SPAG16: variants seen among roughly 807,000 people sequenced by gnomAD.
SPAG16 encodes sperm-associated antigen 16 protein.
Under a neutral mutation model 80.4 loss-of-function variants are expected in SPAG16, and 86 were observed. The observed-to-expected ratio is 1.07, with a 90% CI of 0.90 to 1.28. The LOEUF is 1.28. SPAG16 is among the 50% of genes most tolerant of loss of function. The pLI is 0.00. For missense variants in SPAG16, 870 were observed against 765.3 expected (o/e 1.14, Z -1.61); for synonymous variants, 294 against 265.9 (o/e 1.11, Z -1.03).
At chr2:213,672,128 T>A (rs1006515521) in intron 10 of SPAG16, among the ~76,000 whole-genome samples, 1 of 152,128 alleles carries the variant, frequency 6.6e-6, no homozygotes, top group East Asian at 1.9e-4. Flanking sequence ...ACTATAAAGT[T>A]GTGAAACAAT....
At chr2:214,050,842 T>C (rs542848715) in intron 13 of SPAG16, among the ~76,000 whole-genome samples, 2 of 152,274 alleles carry the variant, frequency 1.3e-5, no homozygotes, top group South Asian at 4.1e-4. Flanking sequence ...ATTTCAGCTT[T>C]TGTAAAAAAA....
chr2:213,576,150 G>A (rs2126025291), intron 10 of SPAG16, among the ~76,000 whole-genome samples: 1 of 152,276 alleles, frequency 6.6e-6, no homozygotes, highest in East Asian at 1.9e-4. Flanking sequence ...TGGCTAGCCA[G>A]ATATTCCAGC....
chr2:214,169,817 A>G (rs2056806264), intron 15 of SPAG16, among the ~76,000 whole-genome samples: 1 of 152,082 alleles, frequency 6.6e-6, no homozygotes, highest in South Asian at 2.1e-4. Context: ...CTATTAAGCC[A>G]GTGAACTTGG....
At chr2:213,661,601 T>G (rs1480968162) in intron 10 of SPAG16, among the ~76,000 whole-genome samples, 2 of 152,208 alleles carry the variant, frequency 1.3e-5, no homozygotes, top group Non-Finnish European at 2.9e-5. Flanking sequence ...CTTTTGATTT[T>G]AAAACACTGG....
At chr2:213,645,958 G>C (rs948164161) in intron 10 of SPAG16, among the ~76,000 whole-genome samples, 2 of 152,162 alleles carry the variant, frequency 1.3e-5, no homozygotes, top group African/African-American at 4.8e-5. Flanking sequence ...CCTCAGGCTG[G>C]GGCTGGTTTA....
intron 15 of SPAG16, among the ~76,000 whole-genome samples, chr2:214,237,671 A>G (rs1689170624): frequency 2.0e-5 from 3 of 152,126 alleles, no homozygotes; most frequent in South Asian, 2.1e-4. Flanking sequence ...AATAATATGT[A>G]TAACATAATT....
Position 213,862,581 on chromosome 2 carries a change from G to A in SPAG16, c.1167G>A (p.Thr389=), listed in dbSNP as rs1446357789. Residue 389 remains threonine, a synonymous_variant, in exon 11 of 16, where the codon ACG becomes ACA. Transcript: ENST00000331683. ...TTCCAAAATGCAATGTGCTTCTCAC[G>A]GGATTTGGCCACACTGACTGGCTTT... ...LGLPKCNVLL[T]GFGHTDWLSD... is the part of the protein sequence containing the mutation. 9.9e-6 allele frequency: 16 copies of A among 1,613,964 alleles called. No individual in the cohort carries two copies. Among genetic ancestry groups the A allele is most frequent in the South Asian group, 2.2e-5 (2 of 91,090 alleles).
At chr2:213,378,087 C>G (rs1289273459) in intron 9 of SPAG16, among the ~76,000 whole-genome samples, 1 of 152,006 alleles carries the variant, frequency 6.6e-6, no homozygotes, top group Admixed American at 6.6e-5. Flanking sequence ...CAGGAAGCAT[C>G]CAGCATGGAG....
At chr2:213,385,766 G>C (rs947365944) in intron 9 of SPAG16, among the ~76,000 whole-genome samples, 1 of 143,378 alleles carries the variant, frequency 7.0e-6, no homozygotes, top group Non-Finnish European at 1.5e-5. Flanking sequence ...TTTTAAGTAC[G>C]TTGTCTCAGA....
At chr2:213,464,337 G>C (rs975932681) in intron 9 of SPAG16, among the ~76,000 whole-genome samples, 2 of 152,166 alleles carry the variant, frequency 1.3e-5, no homozygotes, top group African/African-American at 2.4e-5. Context: ...ATAATATCAT[G>C]TTTCTTTTCT....
intron 9 of SPAG16, among the ~76,000 whole-genome samples, chr2:213,467,084 G>T (rs1321937106): frequency 2.0e-5 from 3 of 152,188 alleles, no homozygotes; most frequent in Admixed American, 6.5e-5. Flanking sequence ...TCCTGGAGCA[G>T]TCTGCATTCC....
chr2:213,324,559 T>A (rs2063763962), intron 5 of SPAG16, among the ~76,000 whole-genome samples: 1 of 152,148 alleles, frequency 6.6e-6, no homozygotes, highest in African/African-American at 2.4e-5. Flanking sequence ...GTCTGTACAA[T>A]GTATTATTTT....
At chr2:214,355,355 G>A (rs1464161486) in intron 15 of SPAG16, among the ~76,000 whole-genome samples, 2 of 137,140 alleles carry the variant, frequency 1.5e-5, no homozygotes, top group African/African-American at 2.5e-5. Context: ...ATCAAAAAGT[G>A]GGCGAAGGAC....
intron 12 of SPAG16, among the ~76,000 whole-genome samples, chr2:213,959,000 T>C (rs2044284797): frequency 1.3e-5 from 2 of 152,228 alleles, no homozygotes; most frequent in South Asian, 4.1e-4. Context: ...TTTTTCCTCA[T>C]TTTGAAGGGT....
intron 11 of SPAG16, among the ~76,000 whole-genome samples, chr2:213,913,890 A>G (rs2077823552): frequency 6.6e-6 from 1 of 152,048 alleles, no homozygotes; most frequent in Admixed American, 6.5e-5. Context: ...ATTCCATCTT[A>G]TTTGGGGACC....
In SPAG16 at chr2:213,859,193, AAAAAAAAAAAAAAAAAAAAAAAAC is replaced by A. The variant is rs894464561; in HGVS notation, c.1071-3291_1071-3268del. Among the ~76,000 whole-genome samples, 10 of 133,798 alleles carry A rather than the reference AAAAAAAAAAAAAAAAAAAAAAAAC, an allele frequency of 7.5e-5. 1 individual carries two copies. Among genetic ancestry groups the A allele is most frequent in the Non-Finnish European group, 9.6e-5 (6 of 62,786 alleles). The allele number at this position is 133,798 out of a possible 152,430, so 87.8% of individuals were successfully genotyped here. A position where few individuals can be genotyped will look rare whatever the true frequency, so the allele number is the denominator to read the frequency against. ...CACTCCGTCTCAAAAAAAAAAAAAA[AAAAAAAAAAAAAAAAAAAAAAAAC>A]TCAATGTCCTCTGACAACTTGATGT... On this transcript the variant is annotated intron_variant, in intron 10 of 15. Coordinates refer to ENST00000331683, the MANE Select transcript of SPAG16 (RefSeq NM_024532.5).
intron 4 of SPAG16, among the ~76,000 whole-genome samples, chr2:213,311,124 A>T (rs1377701994): frequency 6.6e-6 from 1 of 151,690 alleles, no homozygotes; most frequent in East Asian, 1.9e-4. Context: ...CTATGAGGAG[A>T]ATTATTTTTC....
intron 11 of SPAG16, among the ~76,000 whole-genome samples, chr2:213,922,573 G>A (rs1360365323): frequency 6.6e-6 from 1 of 152,178 alleles, no homozygotes; most frequent in Non-Finnish European, 1.5e-5. Context: ...TGGGGAAATA[G>A]TATGATTATT....
At chr2:213,522,814 T>A (rs558771204) in intron 10 of SPAG16, among the ~76,000 whole-genome samples, 17 of 148,636 alleles carry the variant, frequency 1.1e-4, no homozygotes, top group South Asian at 8.4e-4. Context: ...TATATATATA[T>A]AACAAACTTA....
Sources: allele counts gnomAD v4.1 joint callset (sites outside exome capture counted in the v4.1 genomes callset), GRCh38; gene constraint gnomAD v4.1.1; transcripts MANE v1.5; gene names NCBI Gene and HGNC (gene_info 2026-07-23, HGNC 2026-07-21).